The following DNM3 variants were observed in gnomAD, a reference collection of about 807,000 sequenced individuals.
The protein encoded by DNM3 is dynamin-3.
A neutral mutation model predicts 101.6 loss-of-function variants in DNM3; 47 were observed. The ratio of observed to expected loss-of-function variants is 0.46; its 90% confidence interval spans 0.37 to 0.59. The LOEUF (loss-of-function observed/expected upper bound fraction) is 0.59. Ranked by LOEUF, DNM3 falls within the 20% of genes least tolerant of loss-of-function variation. DNM3 has a pLI of 0.00. For missense variants in DNM3, 849 were observed against 1,085.7 expected, an observed-to-expected ratio of 0.78 and a Z score of 3.06; for synonymous variants, 385 against 387.9, an observed-to-expected ratio of 0.99 and a Z score of 0.09.
At chr1:172,265,083 C>A (rs568598219) in intron 15 of DNM3, among the ~76,000 whole-genome samples, 1 of 152,130 alleles carries the variant, frequency 6.6e-6, no homozygotes. Flanking sequence ...GACCATTGCT[C>A]CTGCTACAGT....
intron 14 of DNM3, among the ~76,000 whole-genome samples, chr1:172,223,274 T>A (rs1180539067): frequency 7.1e-6 from 1 of 141,400 alleles, no homozygotes; most frequent in East Asian, 2.0e-4. Context: ...TTTCTTTTCT[T>A]TTTTTTTTTT....
chr1:172,414,125 C>A (rs9425308), downstream of DNM3, among the ~76,000 whole-genome samples: 44,760 of 152,028 alleles, frequency 0.29, 6,865 homozygotes, highest in South Asian at 0.37. Flanking sequence ...TCTGATGGGA[C>A]CTTTAAATTT....
At chr1:172,134,789 A>G (rs1450065489) in intron 14 of DNM3, among the ~76,000 whole-genome samples, 1 of 152,146 alleles carries the variant, frequency 6.6e-6, no homozygotes, top group Admixed American at 6.6e-5. Context: ...GGTAGGGGGT[A>G]CTTTACATTG....
At chr1:172,164,091 A>C (rs1454297716) in intron 14 of DNM3, among the ~76,000 whole-genome samples, 1 of 152,064 alleles carries the variant, frequency 6.6e-6, no homozygotes, top group East Asian at 1.9e-4. Flanking sequence ...ATAATGAACT[A>C]ACCACTAACT....
chr1:172,137,033 G>C (rs2057274184), intron 14 of DNM3: 1 of 152,120 alleles, frequency 6.6e-6, no homozygotes, highest in Admixed American at 6.6e-5. Flanking sequence ...TGCCGTCCTA[G>C]CTTTCCCTTT....
intron 4 of DNM3, among the ~76,000 whole-genome samples, chr1:172,023,427 T>G (rs10910929): frequency 0.34 from 51,495 of 152,018 alleles, 9,871 homozygotes; most frequent in Middle Eastern, 0.49. Context: ...TATTGAAAAT[T>G]TAGAATTCTA....
intron 4 of DNM3, among the ~76,000 whole-genome samples, chr1:172,029,632 G>A (rs2048460474): frequency 1.3e-5 from 2 of 152,270 alleles, no homozygotes; most frequent in East Asian, 1.9e-4. Flanking sequence ...GTTTGCAGAT[G>A]ACATGATTAT....
At chr1:172,206,119 C>A (rs147508124) in intron 14 of DNM3, among the ~76,000 whole-genome samples, 1 of 152,200 alleles carries the variant, frequency 6.6e-6, no homozygotes, top group East Asian at 1.9e-4. Flanking sequence ...GGGATGCTTT[C>A]AAGCTTACTA....
At chr1:172,117,970 A>G (rs2056042480) in intron 13 of DNM3, among the ~76,000 whole-genome samples, 1 of 152,184 alleles carries the variant, frequency 6.6e-6, no homozygotes, top group Non-Finnish European at 1.5e-5. Flanking sequence ...CCTCAAGACT[A>G]AAGTGCACAG....
At chr1:172,147,095 C>G (rs1003608159) in intron 14 of DNM3, among the ~76,000 whole-genome samples, 8 of 152,202 alleles carry the variant, frequency 5.3e-5, no homozygotes, top group African/African-American at 9.6e-5. Flanking sequence ...TGTGGGTGCT[C>G]TTGCCTCCAA....
At chr1:171,930,602 G>A (rs2040925543) in intron 2 of DNM3, among the ~76,000 whole-genome samples, 1 of 152,140 alleles carries the variant, frequency 6.6e-6, no homozygotes, top group African/African-American at 2.4e-5. Flanking sequence ...CGTGGGAGAA[G>A]CATGGATCCC....
At chr1:171,992,719 T>C (rs2045720513) in intron 4 of DNM3, among the ~76,000 whole-genome samples, 1 of 152,110 alleles carries the variant, frequency 6.6e-6, no homozygotes, top group Admixed American at 6.6e-5. Flanking sequence ...TAGGAGTCAT[T>C]ACTGATGAGA....
At chr1:172,302,205 A>G (rs961706949) in intron 15 of DNM3, among the ~76,000 whole-genome samples, 16 of 152,248 alleles carry the variant, frequency 1.1e-4, no homozygotes, top group Admixed American at 6.5e-4. Context: ...CAAATGGCAC[A>G]CCAGGAGATT....
chr1:172,355,567 G>C (rs1392994453), intron 17 of DNM3, among the ~76,000 whole-genome samples: 2 of 152,074 alleles, frequency 1.3e-5, no homozygotes, highest in East Asian at 3.9e-4. Context: ...TGTAGCATTT[G>C]CTAATTTCCA....
intron 17 of DNM3, among the ~76,000 whole-genome samples, chr1:172,329,811 A>AG (rs749409679): frequency 6.6e-6 from 1 of 152,216 alleles, no homozygotes; most frequent in Non-Finnish European, 1.5e-5. Flanking sequence ...GAAAAAAGGA[A>AG]GGGGGCCAAA....
intron 14 of DNM3, among the ~76,000 whole-genome samples, chr1:172,163,199 G>T (rs887893242): frequency 2.0e-5 from 3 of 150,836 alleles, no homozygotes; most frequent in Non-Finnish European, 4.4e-5. Flanking sequence ...TTGAGATCTA[G>T]TCTCTTAGCA....
intron 17 of DNM3, among the ~76,000 whole-genome samples, chr1:172,330,461 T>C (rs373224352): frequency 1.3e-5 from 2 of 152,144 alleles, no homozygotes; most frequent in Non-Finnish European, 2.9e-5. Flanking sequence ...AAACTACCTA[T>C]TGTGTACTAT....
intron 17 of DNM3, among the ~76,000 whole-genome samples, chr1:172,346,122 CAAA>C (rs554868535): frequency 4.3e-4 from 40 of 92,150 alleles, no homozygotes; most frequent in African/African-American, 9.9e-4. Flanking sequence ...GACTCCGTCT[CAAA>C]AAAAAAAAAA....
chr1:172,080,236 C>T (rs1275694325), intron 11 of DNM3, among the ~76,000 whole-genome samples: 1 of 152,156 alleles, frequency 6.6e-6, no homozygotes, highest in Non-Finnish European at 1.5e-5. Context: ...TGCCCCTTCC[C>T]CCAGGTGCTC....
Sources: allele counts gnomAD v4.1 joint callset (sites outside exome capture counted in the v4.1 genomes callset), GRCh38; gene constraint gnomAD v4.1.1; transcripts MANE v1.5; gene names NCBI Gene and HGNC (gene_info 2026-07-23, HGNC 2026-07-21).